Variants in NAALADL2 observed in about 807,000 individuals in gnomAD.
The protein encoded by NAALADL2 is inactive N-acetylated-alpha-linked acidic dipeptidase-like protein 2.
A neutral mutation model predicts 87.2 loss-of-function variants in NAALADL2; 76 were observed. That is an observed-to-expected ratio of 0.87 (90% confidence interval 0.72 to 1.05). The LOEUF (loss-of-function observed/expected upper bound fraction) is 1.05. NAALADL2 is among the 50% of genes least tolerant of loss of function. The probability of loss-of-function intolerance (pLI) is 0.00; values close to 1 mark genes in which losing one functional copy is unlikely to be tolerated. For synonymous variants in NAALADL2, 354 were observed against 331.0 expected, an observed-to-expected ratio of 1.07 and a Z score of -0.75; for missense variants, 1,089 against 945.8, an observed-to-expected ratio of 1.15 and a Z score of -1.99.
At chr3:174,476,076 G>A (rs9847923) in intron 1 of NAALADL2, among the ~76,000 whole-genome samples, 64,431 of 151,686 alleles carry the variant, frequency 0.42, 14,779 homozygotes, top group East Asian at 0.88. Context: ...AAATGTTGTT[G>A]TTGTTTCCAA....
chr3:175,324,155 A>C lies in NAALADL2; in HGVS notation c.940-20A>C, dbSNP rs886071004. ...TAATGTGCATGATAATATTTTTAAT[A>C]GCTTGCTTCCCTCTTTTAGCTTTCC... is the stretch of plus-strand genomic sequence containing the variant. On this transcript the variant is annotated intron_variant, in intron 4 of 13. Coordinates refer to ENST00000454872, the MANE Select transcript of NAALADL2 (RefSeq NM_207015.3). 6.2e-7 allele frequency: 1 copy of C among 1,608,936 alleles called. No homozygotes were observed. The highest frequency in any genetic ancestry group is 1.3e-5 in the African/African-American group (1 of 74,810).
chr3:175,338,622 A>AACACACACACACACAC (rs202022603), intron 5 of NAALADL2, among the ~76,000 whole-genome samples: 2 of 88,466 alleles, frequency 2.3e-5, no homozygotes, highest in African/African-American at 8.6e-5. Context: ...AAACACCACA[A>AACACACACACACACAC]ACACACACAC....
chr3:174,903,991 A>ATCTATATCTATT (rs1476732808), intron 1 of NAALADL2, among the ~76,000 whole-genome samples: 2 of 149,516 alleles, frequency 1.3e-5, no homozygotes, highest in Admixed American at 6.6e-5. Flanking sequence ...CTATTTCTAT[A>ATCTATATCTATT]TCTATATCTA....
intron 2 of NAALADL2, among the ~76,000 whole-genome samples, chr3:174,645,240 C>G (rs1244920081): frequency 6.6e-6 from 1 of 152,202 alleles, no homozygotes; most frequent in African/African-American, 2.4e-5. Flanking sequence ...AAACACATCT[C>G]AGTCTCTTGG....
At chr3:174,501,005 C>T (rs551084266) in intron 1 of NAALADL2, among the ~76,000 whole-genome samples, 47 of 149,398 alleles carry the variant, frequency 3.1e-4, no homozygotes, top group Admixed American at 2.9e-3. Context: ...TATAGGCGCC[C>T]GCCACCATGC....
intron 3 of NAALADL2, among the ~76,000 whole-genome samples, chr3:174,838,014 CAAAAAAGAAAAAA>C (rs1246999462): frequency 2.5e-4 from 19 of 75,140 alleles, no homozygotes; most frequent in Non-Finnish European, 3.5e-4. Flanking sequence ...AGGACATAAC[CAAAAAAGAAAAAA>C]AAAAAAAAAG....
At chr3:175,356,906 T>G (rs1277569111) in intron 5 of NAALADL2, among the ~76,000 whole-genome samples, 5 of 152,112 alleles carry the variant, frequency 3.3e-5, no homozygotes, top group African/African-American at 1.2e-4. Flanking sequence ...CTATTGTTAT[T>G]TTTCCCTTCT....
intron 2 of NAALADL2, among the ~76,000 whole-genome samples, chr3:174,604,013 T>A (rs1165048230): frequency 6.6e-6 from 1 of 152,186 alleles, no homozygotes; most frequent in Non-Finnish European, 1.5e-5. Context: ...GTCCAAGTGC[T>A]GTGGAAAAGA....
chr3:174,699,454 A>C (rs897871924), intron 2 of NAALADL2, among the ~76,000 whole-genome samples: 31 of 151,510 alleles, frequency 2.0e-4, no homozygotes, highest in African/African-American at 7.5e-4. Flanking sequence ...AGACCACACC[A>C]TTGCATTCCA....
chr3:174,906,903 A>G (rs776263602), intron 1 of NAALADL2, among the ~76,000 whole-genome samples: 1 of 152,126 alleles, frequency 6.6e-6, no homozygotes, highest in Non-Finnish European at 1.5e-5. Flanking sequence ...AATTTTTCTT[A>G]TGTGATCACT....
intron 9 of NAALADL2, among the ~76,000 whole-genome samples, chr3:175,571,322 CT>C (rs1327543430): frequency 6.6e-6 from 1 of 152,080 alleles, no homozygotes; most frequent in African/African-American, 2.4e-5. Context: ...GAACTTGCCC[CT>C]GTTATGAACT....
intron 2 of NAALADL2, among the ~76,000 whole-genome samples, chr3:175,144,989 C>A (rs192143946): frequency 6.6e-6 from 1 of 151,948 alleles, no homozygotes; most frequent in African/African-American, 2.4e-5. Context: ...AAAAACATTC[C>A]ATTTCTTTAT....
At chr3:175,680,170 C>G (rs529444398) in intron 11 of NAALADL2, among the ~76,000 whole-genome samples, 183 of 152,214 alleles carry the variant, frequency 1.2e-3, no homozygotes, top group African/African-American at 4.4e-3. Context: ...GAAAGCCTTG[C>G]TCTTTTGATT....
intron 1 of NAALADL2, among the ~76,000 whole-genome samples, chr3:174,486,820 T>G (rs1717886820): frequency 6.6e-6 from 1 of 151,996 alleles, no homozygotes; most frequent in Non-Finnish European, 1.5e-5. Context: ...GGACATTAGA[T>G]GTTCTGTCCA....
chr3:175,607,089 G>A (rs917771861), intron 10 of NAALADL2, among the ~76,000 whole-genome samples: 10 of 152,196 alleles, frequency 6.6e-5, no homozygotes, highest in Admixed American at 6.5e-5. Context: ...GTATTGTGAA[G>A]TTTGGCTTCT....
intron 2 of NAALADL2, among the ~76,000 whole-genome samples, chr3:174,564,515 T>C (rs190276866): frequency 6.6e-6 from 1 of 152,306 alleles, no homozygotes; most frequent in Admixed American, 6.5e-5. Context: ...GTACATGAAA[T>C]TAATTTTGTT....
intron 2 of NAALADL2, among the ~76,000 whole-genome samples, chr3:174,662,420 C>T (rs1466187901): frequency 6.6e-6 from 1 of 152,090 alleles, no homozygotes; most frequent in Non-Finnish European, 1.5e-5. Context: ...AAACTGCTTT[C>T]CTATTTATTC....
chr3:175,773,956 T>C (rs961662384), intron 13 of NAALADL2, among the ~76,000 whole-genome samples: 1 of 152,130 alleles, frequency 6.6e-6, no homozygotes, highest in Non-Finnish European at 1.5e-5. Context: ...TTTTCAGAGA[T>C]TGTAAATTAT....
chr3:174,599,446 A>C (rs186025089), intron 2 of NAALADL2, among the ~76,000 whole-genome samples: 14 of 152,226 alleles, frequency 9.2e-5, no homozygotes, highest in Admixed American at 5.2e-4. Flanking sequence ...AAAAGACATA[A>C]ATATGGGAAG....
Sources: gnomAD v4.1 joint callset for allele counts (sites outside exome capture counted in the v4.1 genomes callset) on GRCh38, gnomAD v4.1.1 for gene constraint, MANE v1.5 for transcripts, NCBI Gene and HGNC (gene_info 2026-07-23, HGNC 2026-07-21) for gene names.